RBFOX1: variants seen among roughly 807,000 people sequenced by gnomAD.
RBFOX1 encodes the protein RNA binding protein fox-1 homolog 1.
RBFOX1 carries 8 observed loss-of-function variants against 57.7 expected under a neutral mutation model. The observed-to-expected ratio is 0.14, with a 90% CI of 0.08 to 0.25. RBFOX1 has a LOEUF of 0.25. RBFOX1 is among the 10% of genes least tolerant of loss of function. RBFOX1 has a pLI of 1.00. For synonymous variants in RBFOX1, 326 were observed against 222.4 expected, an observed-to-expected ratio of 1.47 and a Z score of -4.15; for missense variants, 611 against 548.5, an observed-to-expected ratio of 1.11 and a Z score of -1.14.
Position 6,134,253 on chromosome 16 carries a change from G to A in RBFOX1, c.-127+114261G>A, listed in dbSNP as rs111534575. Among the ~76,000 whole-genome samples the A allele has an allele frequency of 7.3e-4, 111 of 152,160 alleles. 1 individual carries two copies. Among genetic ancestry groups the A allele is most frequent in the African/African-American group, 2.6e-3 (106 of 41,540 alleles). On this transcript the variant is annotated intron_variant, in intron 1 of 15. Transcript: ENST00000550418. ...CACCCAGCCTAATTTCTTTCTTATA[G>A]TATTCAGCACCCCTTGTTTGCAGCA...
intron 1 of RBFOX1, among the ~76,000 whole-genome samples, chr16:6,108,822 T>C (rs2096411912): frequency 6.6e-6 from 1 of 152,130 alleles, no homozygotes; most frequent in African/African-American, 2.4e-5. Flanking sequence ...TCACATCACC[T>C]TTTCCTCTTC....
intron 4 of RBFOX1, among the ~76,000 whole-genome samples, chr16:7,177,062 C>A (rs1244206565): frequency 6.6e-6 from 1 of 152,182 alleles, no homozygotes; most frequent in Non-Finnish European, 1.5e-5. Context: ...CAAATAAATT[C>A]AGACATTGCC....
intron 4 of RBFOX1, among the ~76,000 whole-genome samples, chr16:7,368,287 A>G (rs2097501106): frequency 6.6e-6 from 1 of 150,702 alleles, no homozygotes; most frequent in Non-Finnish European, 1.5e-5. Context: ...AAAGAGAGAG[A>G]AGAAAGGCCG....
intron 13 of RBFOX1, chr16:7,671,489 G>C (rs1287010477): frequency 1.5e-5 from 21 of 1,413,642 alleles, no homozygotes; most frequent in Non-Finnish European, 1.9e-5. Flanking sequence ...GAATTTGTCT[G>C]ACTTATGCAT....
chr16:5,964,525 T>A (rs2059807339), intron 4 of RBFOX1, among the ~76,000 whole-genome samples: 1 of 152,120 alleles, frequency 6.6e-6, no homozygotes, highest in African/African-American at 2.4e-5. Flanking sequence ...ATGGAAAATG[T>A]GAGATACTTG....
At chr16:6,130,807 T>C (rs1325387003) in intron 1 of RBFOX1, among the ~76,000 whole-genome samples, 1 of 152,150 alleles carries the variant, frequency 6.6e-6, no homozygotes, top group Non-Finnish European at 1.5e-5. Context: ...AAATGGTTAA[T>C]TCATGAGGAA....
At chr16:7,430,063 C>T (rs544297397) in intron 4 of RBFOX1, among the ~76,000 whole-genome samples, 22 of 152,300 alleles carry the variant, frequency 1.4e-4, no homozygotes, top group African/African-American at 4.8e-4. Context: ...AGAGTACATG[C>T]TCAAAACAAA....
At chr16:6,828,619 A>C (rs1473194375) in intron 3 of RBFOX1, among the ~76,000 whole-genome samples, 2 of 152,034 alleles carry the variant, frequency 1.3e-5, no homozygotes, top group African/African-American at 4.8e-5. Flanking sequence ...GGCTAAGACC[A>C]AGTGGACCCA....
chr16:5,493,376 T>C (rs906808121), intron 2 of RBFOX1, among the ~76,000 whole-genome samples: 2 of 152,162 alleles, frequency 1.3e-5, no homozygotes, highest in Non-Finnish European at 2.9e-5. Flanking sequence ...CTGATCTTAA[T>C]CTTTAAGACA....
intron 1 of RBFOX1, among the ~76,000 whole-genome samples, chr16:6,182,488 C>T: frequency 6.6e-6 from 1 of 152,106 alleles, no homozygotes; most frequent in Non-Finnish European, 1.5e-5. Context: ...TTGTGTTTGC[C>T]AACACGCACA....
chr16:6,656,491 A>T (rs974858423), intron 3 of RBFOX1, among the ~76,000 whole-genome samples: 1 of 152,020 alleles, frequency 6.6e-6, no homozygotes, highest in Non-Finnish European at 1.5e-5. Context: ...TGATGATGGC[A>T]ACTGCCCTGG....
intron 2 of RBFOX1, among the ~76,000 whole-genome samples, chr16:5,553,935 C>T (rs1428357681): frequency 6.7e-6 from 1 of 150,102 alleles, no homozygotes; most frequent in Admixed American, 6.7e-5. Flanking sequence ...ACAGACATGT[C>T]TTATAATAAT....
chr16:6,139,312 A>G (rs531197048), intron 1 of RBFOX1, among the ~76,000 whole-genome samples: 33 of 152,270 alleles, frequency 2.2e-4, no homozygotes, highest in African/African-American at 7.0e-4. Context: ...GGAGGTGGAA[A>G]CACAGAATTC....
rs558129283 is a variant in RBFOX1, at chr16:6,088,591, A to G, written c.-127+68599A>G. ...AACTCTGTGTTAGGCAGTATGTTGC[A>G]TGCCAAAGACAAATGTATAAACTAG... On this transcript the variant is annotated intron_variant, in intron 1 of 15. Coordinates refer to ENST00000550418, the MANE Select transcript of RBFOX1 (RefSeq NM_018723.4). Among the ~76,000 whole-genome samples the G allele has an allele frequency of 2.0e-5, 3 of 150,036 alleles. No individual in the cohort carries two copies. In the South Asian group the frequency reaches 6.3e-4, roughly 31 times the overall value.
chr16:5,296,899 G>A (rs746557829), intron 1 of RBFOX1, among the ~76,000 whole-genome samples: 4 of 151,906 alleles, frequency 2.6e-5, no homozygotes, highest in African/African-American at 4.8e-5. Context: ...GGCTGGTCTC[G>A]AACTCCTACC....
At chr16:5,850,587 G>A (rs2056870780) in intron 3 of RBFOX1, among the ~76,000 whole-genome samples, 1 of 152,182 alleles carries the variant, frequency 6.6e-6, no homozygotes, top group African/African-American at 2.4e-5. Flanking sequence ...ACCTCTGCAT[G>A]TTTACTCCCA....
intron 4 of RBFOX1, among the ~76,000 whole-genome samples, chr16:5,914,565 A>G (rs1248518824): frequency 1.3e-5 from 2 of 152,068 alleles, no homozygotes; most frequent in African/African-American, 2.4e-5. Context: ...CCCTTACAAC[A>G]TGGCAGCTGG....
intron 6 of RBFOX1, among the ~76,000 whole-genome samples, chr16:7,581,231 A>G (rs1424615516): frequency 6.6e-6 from 1 of 152,134 alleles, no homozygotes; most frequent in Non-Finnish European, 1.5e-5. Flanking sequence ...TTTGGTAATA[A>G]CCTTGAGTTG....
intron 14 of RBFOX1, among the ~76,000 whole-genome samples, chr16:7,692,940 G>C (rs10492758): frequency 0.28 from 42,865 of 151,606 alleles, 6,230 homozygotes; most frequent in East Asian, 0.49. Context: ...CTAGCTAGCT[G>C]TAGTATACCC....
Sources: allele counts gnomAD v4.1 joint callset (sites outside exome capture counted in the v4.1 genomes callset), GRCh38; gene constraint gnomAD v4.1.1; transcripts MANE v1.5; gene names NCBI Gene and HGNC (gene_info 2026-07-23, HGNC 2026-07-21).